CHAF1B: variants seen among roughly 807,000 people sequenced by gnomAD.
CHAF1B encodes the protein chromatin assembly factor 1 subunit B.
CHAF1B carries 10 observed loss-of-function variants against 60.7 expected under a neutral mutation model. The ratio of observed to expected loss-of-function variants is 0.16; its 90% CI spans 0.10 to 0.28. The LOEUF is 0.28. CHAF1B is among the 10% of genes least tolerant of loss of function. CHAF1B has a pLI of 1.00. For synonymous variants in CHAF1B, 261 were observed against 266.1 expected (o/e 0.98, Z 0.19); for missense variants, 558 against 708.4 (o/e 0.79, Z 2.41).
At chr21:36,391,907 A>ATTTTTTTTTTTTTTATTTT (rs2086092135) in intron 4 of CHAF1B, among the ~76,000 whole-genome samples, 1 of 67,052 alleles carries the variant, frequency 1.5e-5, no homozygotes, top group African/African-American at 8.0e-5. Flanking sequence ...TGATTTTTAA[A>ATTTTTTTTTTTTTTATTTT]TTTTTTTTTT....
At chr21:36,399,036 A>ATTT (rs201186457) in intron 6 of CHAF1B, among the ~76,000 whole-genome samples, 2 of 138,462 alleles carry the variant, frequency 1.4e-5, no homozygotes, top group African/African-American at 2.7e-5. Context: ...TGACTTACCA[A>ATTT]TTTTTTTTTT....
In CHAF1B at chr21:36,418,057, C is replaced by T. The variant is rs2086331833; in HGVS notation, c.*1691C>T. 6.6e-6 allele frequency: 1 copy of T among 151,944 alleles called. No individual in the cohort carries two copies. Among genetic ancestry groups the T allele is most frequent in the Non-Finnish European group, 1.5e-5 (1 of 68,020 alleles). 9.4% of individuals were successfully genotyped at this position (151,944 alleles called of 1,614,324 possible). A position where few individuals can be genotyped will look rare whatever the true frequency, so the allele number is the denominator to read the frequency against. On this transcript the variant is annotated 3_prime_UTR_variant, in exon 14 of 14. Transcript: ENST00000314103. The stretch of plus-strand genomic sequence containing the variant: ...CGAGACAGAGTCTCGCTCTGTCACC[C>T]AGGCTGGAGTGCAGTGGCGCAATCT...
At chr21:36,397,602 T>A in intron 6 of CHAF1B, 91 bp downstream of exon 6, 1 of 562,766 alleles carries the variant, frequency 1.8e-6, no homozygotes, top group Non-Finnish European at 3.1e-6. Context: ...AGCCAAGATT[T>A]ATCATAGTCT....
intron 8 of CHAF1B, among the ~76,000 whole-genome samples, chr21:36,403,340 C>T (rs1025708509): frequency 2.2e-4 from 34 of 151,122 alleles, no homozygotes; most frequent in African/African-American, 8.0e-4. Flanking sequence ...CCCTGTAATC[C>T]CAGCCACTTG....
At chr21:36,390,081 C>G (rs1229663722) in intron 3 of CHAF1B, among the ~76,000 whole-genome samples, 1 of 152,008 alleles carries the variant, frequency 6.6e-6, no homozygotes, top group African/African-American at 2.4e-5. Flanking sequence ...CGCCTGTAAT[C>G]CCAGCACTTT....
chr21:36,406,207 CAA>C (rs1174286610), intron 8 of CHAF1B, among the ~76,000 whole-genome samples: 2 of 152,160 alleles, frequency 1.3e-5, no homozygotes, highest in African/African-American at 4.8e-5. Flanking sequence ...AAATAATTCT[CAA>C]GAGAATTAGA....
rs766946573 is a variant in CHAF1B, at chr21:36,416,683, C to G, written c.*317C>G. 8 of 226,338 alleles carry G rather than the reference C, an allele frequency of 3.5e-5. No homozygotes were observed. The highest frequency in any genetic ancestry group is 6.1e-5 in the Non-Finnish European group (7 of 115,440). The allele number at this position is 226,338 out of a possible 1,614,324, so 14.0% of individuals were successfully genotyped here. On this transcript the variant is annotated 3_prime_UTR_variant, in exon 14 of 14. Coordinates refer to ENST00000314103, the MANE Select transcript of CHAF1B (RefSeq NM_005441.3). ...TCCCTGGCATCCTCGTGAAAGTGCA[C>G]ACACTTCATGGAGGGACTCCTTTTC...
chr21:36,386,355 G>C, intron 2 of CHAF1B, 93 bp downstream of exon 2: 1 of 1,486,720 alleles, frequency 6.7e-7, no homozygotes, highest in Non-Finnish European at 9.1e-7. Context: ...GGGCGCGGTG[G>C]CTTACGCCTG....
At position 36,386,232 on chromosome 21, in the gene CHAF1B, G is replaced by A. The variant is rs1412934668; in HGVS notation, c.96G>A (p.Leu32=). The change falls in exon 2 of 14, where the codon CTG becomes CTA. Residue 32 remains leucine, a synonymous_variant. Coordinates refer to ENST00000314103, the MANE Select transcript of CHAF1B (RefSeq NM_005441.3). Reference sequence around the variant, plus strand: ...GGACGGCTGGGAGGATCCACAGACTGGCGTCTGCCGGCGTGGACACCAATG... The same window carrying A: ...GGACGGCTGGGAGGATCCACAGACTAGCGTCTGCCGGCGTGGACACCAATG... ...QHGTAGRIHR[L]ASAGVDTNVR... 1 of 1,614,180 alleles carries A rather than the reference G, an allele frequency of 6.2e-7. No homozygotes were observed. Among genetic ancestry groups the A allele is most frequent in the South Asian group, 1.1e-5 (1 of 91,080 alleles).
intron 7 of CHAF1B, among the ~76,000 whole-genome samples, chr21:36,401,868 G>A (rs1687833617): frequency 1.3e-5 from 2 of 151,852 alleles, no homozygotes; most frequent in Non-Finnish European, 2.9e-5. Flanking sequence ...AGCCTCCCGA[G>A]AAGCTGGGAT....
intron 10 of CHAF1B, 119 bp downstream of exon 10, chr21:36,409,584 C>A: frequency 1.9e-6 from 1 of 522,258 alleles, no homozygotes; most frequent in South Asian, 4.2e-5. Flanking sequence ...TGGTTCAGTT[C>A]AGTTATTTTA....
chr21:36,413,127 T>C lies in CHAF1B; in HGVS notation c.1305T>C (p.Pro435=), dbSNP rs2146377381. 1 of 1,613,002 alleles carries C rather than the reference T, an allele frequency of 6.2e-7. No homozygotes were observed. The highest frequency in any genetic ancestry group is 1.3e-5 in the African/African-American group (1 of 74,564). The part of the protein sequence containing the change: ...QDPSSPGTTP[P]QARQAPAPTV... ...CCAGCAGCCCCGGCACGACTCCCCC[T>C]CAGGCCAGACAGGCCCCAGCCCCAA... Residue 435 remains proline, a synonymous_variant, in exon 12 of 14, where the codon CCT becomes CCC. Transcript: ENST00000314103.
intron 7 of CHAF1B, among the ~76,000 whole-genome samples, chr21:36,401,207 C>T (rs928788212): frequency 2.0e-5 from 3 of 151,052 alleles, no homozygotes; most frequent in Non-Finnish European, 2.9e-5. Context: ...GTGGAGTTTG[C>T]GGTGAGCCGA....
intron 11 of CHAF1B, among the ~76,000 whole-genome samples, chr21:36,412,041 T>A (rs2086281990): frequency 6.6e-6 from 1 of 152,042 alleles, no homozygotes; most frequent in Non-Finnish European, 1.5e-5. Flanking sequence ...ATTTTGTTTT[T>A]TAAAGGAATC....
At chr21:36,409,158 A>ATTTT (rs1163222508) in intron 9 of CHAF1B, among the ~76,000 whole-genome samples, 3 of 94,642 alleles carry the variant, frequency 3.2e-5, no homozygotes, top group African/African-American at 3.9e-5. Context: ...CCCGGCTTGT[A>ATTTT]TTTTTTTTTT....
chr21:36,386,144 T>G lies in CHAF1B; in HGVS notation c.8T>G (p.Val3Gly), dbSNP rs767953331. 1 of 1,614,050 alleles carries G rather than the reference T, an allele frequency of 6.2e-7. No individual in the cohort carries two copies. The highest frequency in any genetic ancestry group is 8.5e-7 in the Non-Finnish European group (1 of 1,179,982). MKVITCEIAWHNK... is the reference protein window; with the variant it reads MKGITCEIAWHNK... Reference sequence around the variant, plus strand: ...CCTTCGAGACTCAGGAGGATGAAAGTCATCACTTGTGAAATAGCCTGGCAC... The same window carrying G: ...CCTTCGAGACTCAGGAGGATGAAAGGCATCACTTGTGAAATAGCCTGGCAC... The change falls in exon 2 of 14, where the codon GTC becomes GGC. Residue 3 changes from valine (V) to glycine (G), a missense_variant. Transcript: ENST00000314103.
chr21:36,409,706 A>G (rs2086262700), intron 10 of CHAF1B, among the ~76,000 whole-genome samples: 1 of 150,978 alleles, frequency 6.6e-6, no homozygotes, highest in African/African-American at 2.4e-5. Context: ...CCATGTTGCC[A>G]AGGCTGGTCT....
chr21:36,411,824 G>T (rs1380653731), intron 11 of CHAF1B, among the ~76,000 whole-genome samples: 1 of 152,080 alleles, frequency 6.6e-6, no homozygotes, highest in Non-Finnish European at 1.5e-5. Context: ...CACCTCCCAG[G>T]TTCAAGTGAT....
In CHAF1B at chr21:36,413,269, A is replaced by C; in HGVS notation, c.1447A>C (p.Arg483=). 6.2e-7 allele frequency: 1 copy of C among 1,612,568 alleles called. No homozygotes were observed. The highest frequency in any genetic ancestry group is 2.2e-5 in the East Asian group (1 of 44,874). ...SQNTKAHPSR[R]VTLNTLQAWS... is the part of the protein sequence containing the mutation. ...AAACACAAAAGCCCACCCATCCCGGAGGGTCACTCTGAACACACTGCAAGC... is the reference window on the plus strand; with the variant it reads ...AAACACAAAAGCCCACCCATCCCGGCGGGTCACTCTGAACACACTGCAAGC... The change falls in exon 12 of 14, where the codon AGG becomes CGG. Residue 483 remains arginine (R), a synonymous_variant. Transcript: ENST00000314103.
Sources: allele counts gnomAD v4.1 joint callset (sites outside exome capture counted in the v4.1 genomes callset), GRCh38; gene constraint gnomAD v4.1.1; transcripts MANE v1.5; gene names NCBI Gene and HGNC (gene_info 2026-07-23, HGNC 2026-07-21).